Variants in ARID4A observed in about 807,000 individuals in gnomAD.
The protein encoded by ARID4A is AT-rich interaction domain 4A.
In ARID4A, 39 loss-of-function variants were observed where a neutral mutation model predicts 148.6. That is an observed-to-expected ratio of 0.26 (90% CI 0.20 to 0.34). ARID4A has a LOEUF of 0.34. Ranked by LOEUF, ARID4A falls within the 10% of genes least tolerant of loss-of-function variation. The pLI is 1.00. For synonymous variants in ARID4A, 475 were observed against 481.2 expected (o/e 0.99, Z 0.17); for missense variants, 1,265 against 1,449.1 (o/e 0.87, Z 2.06).
intron 11 of ARID4A, among the ~76,000 whole-genome samples, chr14:58,340,500 A>G (rs897518352): frequency 5.3e-5 from 8 of 151,888 alleles, no homozygotes; most frequent in Admixed American, 3.3e-4. Context: ...CAGGCGCACA[A>G]CGCCACGCCC....
chr14:58,340,462 G>C (rs1349856648), intron 11 of ARID4A, among the ~76,000 whole-genome samples: 1 of 152,182 alleles, frequency 6.6e-6, no homozygotes, highest in East Asian at 1.9e-4. Flanking sequence ...TGATTCTCCT[G>C]TCTCAGCCTC....
At position 58,372,103 on chromosome 14, in the gene ARID4A, T is replaced by C. The variant is rs1156750013; in HGVS notation, c.*114T>C. 5.6e-6 allele frequency: 4 copies of C among 709,374 alleles called. No homozygotes were observed. The highest frequency in any genetic ancestry group is 9.7e-6 in the Non-Finnish European group (4 of 414,484). 43.9% of individuals were successfully genotyped at this position (709,374 alleles called of 1,614,324 possible). A position where few individuals can be genotyped will look rare whatever the true frequency, so the allele number is the denominator to read the frequency against. ...GTTTGACATTGCTAAGTATATCCTGTATACTTTTCCAGGCTGGATTGTATC... is the reference window on the plus strand; with the variant it reads ...GTTTGACATTGCTAAGTATATCCTGCATACTTTTCCAGGCTGGATTGTATC... On this transcript the variant is annotated 3_prime_UTR_variant, in exon 24 of 24. Coordinates refer to ENST00000355431, the MANE Select transcript of ARID4A (RefSeq NM_002892.4).
chr14:58,313,480 T>G (rs902854416), intron 5 of ARID4A, among the ~76,000 whole-genome samples: 2 of 152,140 alleles, frequency 1.3e-5, no homozygotes, highest in Admixed American at 1.3e-4. Context: ...TGGTAATGCT[T>G]GCTTGCCCAC....
chr14:58,312,216 A>ATTTTTTTTTTTTTTTTTTTTTTTTTTT (rs2032092729), intron 5 of ARID4A, among the ~76,000 whole-genome samples: 1 of 151,512 alleles, frequency 6.6e-6, no homozygotes, highest in African/African-American at 2.4e-5. Flanking sequence ...ATTAATGTTA[A>ATTTTTTTTTTTTTTTTTTTTTTTTTTT]ATTTTTTTTT....
At chr14:58,360,000 A>T (rs904765455) in intron 18 of ARID4A, among the ~76,000 whole-genome samples, 1 of 151,372 alleles carries the variant, frequency 6.6e-6, no homozygotes, top group Non-Finnish European at 1.5e-5. Flanking sequence ...CAGGAGGCGG[A>T]GCTTGCAGTG....
At chr14:58,317,984 A>T (rs536017849) in intron 5 of ARID4A, among the ~76,000 whole-genome samples, 4 of 151,854 alleles carry the variant, frequency 2.6e-5, no homozygotes. Flanking sequence ...AAAAAAAAAA[A>T]GTTTTTTTAA....
chr14:58,350,264 A>G (rs141187643), intron 15 of ARID4A, among the ~76,000 whole-genome samples: 62 of 152,262 alleles, frequency 4.1e-4, no homozygotes, highest in African/African-American at 1.5e-3. Flanking sequence ...TAAATAGCAC[A>G]TAGCCAGCAA....
chr14:58,361,131 A>T (rs2035116271), intron 19 of ARID4A, 89 bp downstream of exon 19: 5 of 1,468,250 alleles, frequency 3.4e-6, no homozygotes, highest in Middle Eastern at 3.6e-4. Flanking sequence ...GGCTGACTTT[A>T]AAAAAAATCA....
intron 8 of ARID4A, among the ~76,000 whole-genome samples, chr14:58,326,236 G>A (rs888845128): frequency 2.0e-5 from 3 of 152,138 alleles, no homozygotes; most frequent in African/African-American, 7.2e-5. Flanking sequence ...AGGAGATCGA[G>A]ACCATCCTGG....
At chr14:58,346,572 A>G (rs2034374397) in intron 13 of ARID4A, 67 bp downstream of exon 13, 18 of 986,646 alleles carry the variant, frequency 1.8e-5, no homozygotes, top group Non-Finnish European at 2.5e-5. Flanking sequence ...CTTATATTGC[A>G]TTATTATATG....
At position 58,365,113 on chromosome 14, in the gene ARID4A, A is replaced by G. The variant is rs1194266401; in HGVS notation, c.3024A>G (p.Pro1008=). The G allele has an allele frequency of 2.5e-6, 4 of 1,614,132 alleles. No homozygotes were observed. In the South Asian group the frequency reaches 3.3e-5, roughly 13 times the overall value. Residue 1008 remains proline (P), a synonymous_variant, in exon 20 of 24, where the codon CCA becomes CCG. Coordinates refer to ENST00000355431, the MANE Select transcript of ARID4A (RefSeq NM_002892.4). ...AACATAACTTTTCAGTAGCTTCACCACTTACTCTTAGTCAAGATGAGTCTC... is the reference window on the plus strand; with the variant it reads ...AACATAACTTTTCAGTAGCTTCACCGCTTACTCTTAGTCAAGATGAGTCTC... ...VVQHNFSVAS[P]LTLSQDESRS...
At position 58,364,224 on chromosome 14, in the gene ARID4A, A is replaced by G; in HGVS notation, c.2135A>G (p.Asn712Ser). ...TEDALEKNLI[N>S]EELSLKDELE... ...GATGCTTTAGAAAAGAATTTAATAA[A>G]TGAAGAACTTTCTCTTAAAGATGAA... The change falls in exon 20 of 24, where the codon AAT becomes AGT. Residue 712 changes from asparagine to serine, a missense_variant. This residue lies in a region of ARID4A where 666 missense variants were observed against 730.9 expected (regional missense o/e 0.91). Transcript: ENST00000355431. The G allele has an allele frequency of 6.7e-7, 1 of 1,503,318 alleles. No individual in the cohort carries two copies. The highest frequency in any genetic ancestry group is 8.9e-7 in the Non-Finnish European group (1 of 1,129,316). The allele number at this position is 1,503,318 out of a possible 1,614,324, so 93.1% of individuals were successfully genotyped here.
chr14:58,361,070 C>G (rs370148745), intron 19 of ARID4A, 28 bp downstream of exon 19: 35 of 1,597,734 alleles, frequency 2.2e-5, no homozygotes, highest in Non-Finnish European at 3.0e-5. Context: ...AGCAATATAC[C>G]AGACAGCTCA....
At chr14:58,299,903 C>A in intron 2 of ARID4A, 43 bp downstream of exon 2, 2 of 1,612,990 alleles carry the variant, frequency 1.2e-6, no homozygotes, top group Non-Finnish European at 1.7e-6. Flanking sequence ...GCCCTGAACA[C>A]TGCCAATCCT....
intron 11 of ARID4A, among the ~76,000 whole-genome samples, chr14:58,330,387 G>T (rs1412945931): frequency 1.3e-5 from 2 of 152,116 alleles, no homozygotes; most frequent in Admixed American, 6.6e-5. Context: ...ATACTTTTCA[G>T]GTTAGTTAAT....
intron 11 of ARID4A, among the ~76,000 whole-genome samples, chr14:58,336,010 A>C (rs1207371499): frequency 6.6e-6 from 1 of 151,738 alleles, no homozygotes; most frequent in Non-Finnish European, 1.5e-5. Context: ...GATCTACAGT[A>C]GTTGTTTGTT....
At chr14:58,344,963 C>T (rs1477463234) in intron 12 of ARID4A, among the ~76,000 whole-genome samples, 196 bp downstream of exon 12, 1 of 152,194 alleles carries the variant, frequency 6.6e-6, no homozygotes, top group African/African-American at 2.4e-5. Context: ...GCCTTGACCT[C>T]CTGGGCTCAA....
intron 18 of ARID4A, among the ~76,000 whole-genome samples, chr14:58,360,343 A>T (rs1267213893): frequency 6.6e-6 from 1 of 152,216 alleles, no homozygotes; most frequent in Non-Finnish European, 1.5e-5. Context: ...GCCAGATTTT[A>T]GGATTTTTCA....
chr14:58,368,598 T>A (rs544046012), intron 23 of ARID4A, among the ~76,000 whole-genome samples: 38 of 151,912 alleles, frequency 2.5e-4, no homozygotes, highest in African/African-American at 6.0e-4. Flanking sequence ...AAAAAAAAAA[T>A]AGGACAAAAC....
Sources: allele counts gnomAD v4.1 joint callset (sites outside exome capture counted in the v4.1 genomes callset), GRCh38; gene constraint gnomAD v4.1.1; regional missense constraint gnomAD v4.1.1; transcripts MANE v1.5; gene names NCBI Gene and HGNC (gene_info 2026-07-23, HGNC 2026-07-21).